Variants in BCAR3 observed in about 807,000 individuals in gnomAD.
BCAR3 encodes the protein BCAR3 adaptor protein, NSP family member.
A neutral mutation model predicts 80.1 loss-of-function variants in BCAR3; 37 were observed. The ratio of observed to expected loss-of-function variants is 0.46; its 90% CI spans 0.36 to 0.61. BCAR3 has a LOEUF of 0.61. Ranked by LOEUF, BCAR3 falls within the 20% of genes least tolerant of loss-of-function variation. The pLI is 0.00. For missense variants in BCAR3, 978 were observed against 1,068.2 expected (o/e 0.92, Z 1.18); for synonymous variants, 389 against 418.9 (o/e 0.93, Z 0.87).
At chr1:93,756,525 C>G (rs1289648091) in intron 2 of BCAR3, among the ~76,000 whole-genome samples, 2 of 152,222 alleles carry the variant, frequency 1.3e-5, no homozygotes, top group African/African-American at 2.4e-5. Flanking sequence ...TTCATTTCTC[C>G]TATTCTCTGG....
chr1:93,690,084 G>A (rs147845345), intron 3 of BCAR3, among the ~76,000 whole-genome samples: 5 of 152,296 alleles, frequency 3.3e-5, no homozygotes, highest in Admixed American at 2.6e-4. Flanking sequence ...ATAAGAATGA[G>A]GTAATTCCAT....
At chr1:93,597,049 T>G (rs1674443776) in intron 3 of BCAR3, among the ~76,000 whole-genome samples, 1 of 152,208 alleles carries the variant, frequency 6.6e-6, no homozygotes, top group Admixed American at 6.5e-5. Context: ...GCTCATATCT[T>G]GTGCTTCAGG....
Position 93,839,565 on chromosome 1 carries a change from G to T in BCAR3, c.-63+6002C>A, listed in dbSNP as rs548988713. Among the ~76,000 whole-genome samples the T allele has an allele frequency of 6.6e-5, 10 of 152,350 alleles. No individual in the cohort carries two copies. The South Asian group carries it at 2.1e-3, about 32-fold the overall frequency. ...TGGGCCTGATCCTTCTGACTCAGAA[G>T]AAGGAAGGCAGCCAGGAGTTATTCA... On this transcript the variant is annotated intron_variant, in intron 2 of 13. Coordinates refer to the BCAR3 transcript ENST00000370244.
chr1:93,601,251 GA>G (rs986237675), intron 3 of BCAR3, among the ~76,000 whole-genome samples: 1 of 151,972 alleles, frequency 6.6e-6, no homozygotes, highest in African/African-American at 2.4e-5. Flanking sequence ...AAGAAGTAAA[GA>G]AAAAAAATTA....
intron 1 of BCAR3, chr1:93,846,842 C>A (rs774657435): frequency 2.9e-5 from 14 of 474,928 alleles, no homozygotes; most frequent in Admixed American, 2.0e-4. Flanking sequence ...GGCGCGTCGC[C>A]CCCCTCAGTC....
chr1:93,754,262 A>G (rs574997286), intron 2 of BCAR3: 2 of 152,330 alleles, frequency 1.3e-5, no homozygotes, highest in African/African-American at 4.8e-5. Context: ...CCATGCCCAC[A>G]TCCTACTGGA....
At chr1:93,728,746 C>G (rs998355285) in intron 2 of BCAR3, among the ~76,000 whole-genome samples, 3 of 152,192 alleles carry the variant, frequency 2.0e-5, no homozygotes, top group Admixed American at 2.0e-4. Flanking sequence ...GTCCTCTTGA[C>G]ATCGAGCCAC....
intron 3 of BCAR3, among the ~76,000 whole-genome samples, chr1:93,609,070 C>A (rs964908016): frequency 6.6e-6 from 1 of 152,166 alleles, no homozygotes; most frequent in African/African-American, 2.4e-5. Context: ...CACACACGCA[C>A]CGCCACAGAA....
chr1:93,672,818 T>A (rs1648278296), intron 2 of BCAR3, among the ~76,000 whole-genome samples: 2 of 152,182 alleles, frequency 1.3e-5, no homozygotes, highest in African/African-American at 4.8e-5. Flanking sequence ...TCTATGGAGA[T>A]TATCTGGGCC....
At chr1:93,847,827 A>C (rs1571171301), upstream of BCAR3, 1 of 158,592 alleles carries the variant, frequency 6.3e-6, no homozygotes, top group African/African-American at 2.5e-5. Flanking sequence ...CGAGCCCCTC[A>C]GCTCCCCGGG....
chr1:93,571,763 C>CA lies in BCAR3; in HGVS notation c.1880dup (p.Ser628GlufsTer2), dbSNP rs767797163. On this transcript the variant is annotated frameshift_variant, in exon 9 of 12. Transcript: ENST00000260502. LOFTEE classifies it high-confidence loss of function. ...CCACCGCCACCTGGATGATCTTACT[C>CA]AGAGTGGCCGCTCGGTCCTCCAAAG... 1 of 1,614,166 alleles carries CA rather than the reference C, an allele frequency of 6.2e-7. No individual in the cohort carries two copies.
chr1:93,567,187 CT>C, intron 11 of BCAR3, 91 bp downstream of exon 11: 1 of 1,465,124 alleles, frequency 6.8e-7, no homozygotes, highest in South Asian at 1.3e-5. Context: ...CCTTTTTGGT[CT>C]TTTTCTAAGT....
At chr1:93,685,025 C>G (rs891955285), upstream of BCAR3, among the ~76,000 whole-genome samples, 3 of 152,168 alleles carry the variant, frequency 2.0e-5, no homozygotes, top group Non-Finnish European at 2.9e-5. Context: ...CCACTGTGCC[C>G]GACCTGAATC....
chr1:93,723,020 C>T (rs1226885818), intron 2 of BCAR3, among the ~76,000 whole-genome samples: 2 of 152,118 alleles, frequency 1.3e-5, no homozygotes, highest in Non-Finnish European at 2.9e-5. Context: ...TTGGGCAGAC[C>T]TCTAAGCTCT....
intron 2 of BCAR3, among the ~76,000 whole-genome samples, chr1:93,808,945 G>A (rs1653739199): frequency 6.6e-6 from 1 of 152,096 alleles, no homozygotes; most frequent in Non-Finnish European, 1.5e-5. Context: ...TCTTCAACTT[G>A]TAGAGTCAAC....
chr1:93,633,707 T>C (rs553091162), intron 3 of BCAR3, among the ~76,000 whole-genome samples: 32 of 152,372 alleles, frequency 2.1e-4, no homozygotes, highest in African/African-American at 5.8e-4. Flanking sequence ...CAATCTTTGC[T>C]CACTGCAACC....
chr1:93,728,987 G>A (rs549033180), intron 2 of BCAR3, among the ~76,000 whole-genome samples: 2 of 152,168 alleles, frequency 1.3e-5, no homozygotes, highest in African/African-American at 2.4e-5. Flanking sequence ...TTCCCTTCCC[G>A]GCTTCCCTAT....
At chr1:93,716,393 A>C (rs2101983136) in intron 2 of BCAR3, among the ~76,000 whole-genome samples, 1 of 152,310 alleles carries the variant, frequency 6.6e-6, no homozygotes, top group East Asian at 1.9e-4. Flanking sequence ...CTTTGCCACT[A>C]ATATTGTTTG....
At chr1:93,756,927 A>G (rs1019907183) in intron 2 of BCAR3, among the ~76,000 whole-genome samples, 2 of 152,100 alleles carry the variant, frequency 1.3e-5, no homozygotes, top group African/African-American at 4.8e-5. Flanking sequence ...TACAAAATTT[A>G]CACTCTAGGC....
Sources: gnomAD v4.1 joint callset for allele counts (sites outside exome capture counted in the v4.1 genomes callset) on GRCh38, gnomAD v4.1.1 for gene constraint, MANE v1.5 for transcripts, NCBI Gene and HGNC (gene_info 2026-07-23, HGNC 2026-07-21) for gene names.